Variants in ERBB4 observed in about 807,000 individuals in gnomAD.
The protein encoded by ERBB4 is receptor tyrosine-protein kinase erbB-4.
In ERBB4, 42 loss-of-function variants were observed where a neutral mutation model predicts 158.0. The observed-to-expected ratio is 0.27, with a 90% CI of 0.21 to 0.34. The LOEUF (loss-of-function observed/expected upper bound fraction) is 0.34, where lower values mean the gene tolerates loss of function less well. Ranked by LOEUF, ERBB4 falls within the 10% of genes least tolerant of loss-of-function variation. ERBB4 has a pLI of 1.00. For synonymous variants in ERBB4, 583 were observed against 558.7 expected (o/e 1.04, Z -0.61); for missense variants, 1,333 against 1,624.1 (o/e 0.82, Z 3.08).
chr2:211,675,792 T>TTTTATA (rs1553607852), intron 13 of ERBB4, among the ~76,000 whole-genome samples: 2,680 of 93,562 alleles, frequency 0.029, 97 homozygotes, highest in African/African-American at 0.079. Context: ...AAATATAATA[T>TTTTATA]TATATATATA....
intron 19 of ERBB4, among the ~76,000 whole-genome samples, chr2:211,596,884 C>A (rs976597449): frequency 2.0e-5 from 3 of 152,104 alleles, no homozygotes; most frequent in Non-Finnish European, 4.4e-5. Context: ...CCTGTCTCAG[C>A]CTTCTAAGTA....
chr2:212,431,986 TATA>T (rs1484788770), intron 1 of ERBB4, among the ~76,000 whole-genome samples: 2 of 152,206 alleles, frequency 1.3e-5, no homozygotes, highest in African/African-American at 2.4e-5. Context: ...TTTAAGAAAA[TATA>T]ATCTCTACCA....
intron 1 of ERBB4, among the ~76,000 whole-genome samples, chr2:212,288,828 C>T (rs1287705185): frequency 6.6e-6 from 1 of 152,052 alleles, no homozygotes; most frequent in African/African-American, 2.4e-5. Context: ...GAGTTTCCCA[C>T]CAAGACTACC....
intron 1 of ERBB4, among the ~76,000 whole-genome samples, chr2:212,316,488 T>C (rs774264926): frequency 1.3e-5 from 2 of 151,630 alleles, no homozygotes; most frequent in East Asian, 3.9e-4. Flanking sequence ...CTGGCATTCA[T>C]CAAGCTGCAT....
chr2:211,961,661 C>T (rs979854867), intron 2 of ERBB4, among the ~76,000 whole-genome samples: 1 of 152,108 alleles, frequency 6.6e-6, no homozygotes, highest in Non-Finnish European at 1.5e-5. Context: ...ATCAAAGAGA[C>T]TGAATGTAAG....
intron 27 of ERBB4, 79 bp from the exon 28 acceptor site, chr2:211,384,139 G>A (rs2062634948): frequency 9.5e-7 from 1 of 1,048,036 alleles, no homozygotes; most frequent in Non-Finnish European, 1.5e-6. Context: ...ATAATGGTTA[G>A]CTTCTTTGTC....
At chr2:211,433,037 T>A (rs1003166862) in intron 20 of ERBB4, among the ~76,000 whole-genome samples, 1 of 152,074 alleles carries the variant, frequency 6.6e-6, no homozygotes, top group Non-Finnish European at 1.5e-5. Flanking sequence ...TGTCTCCCAA[T>A]TGGACAGAGT....
chr2:211,530,751 C>T (rs918048581), intron 20 of ERBB4, among the ~76,000 whole-genome samples: 1 of 151,910 alleles, frequency 6.6e-6, no homozygotes, highest in Non-Finnish European at 1.5e-5. Flanking sequence ...TTGGCCAGGC[C>T]TGGTGGTGTG....
In ERBB4 at chr2:211,696,874, T is replaced by C. The variant is rs1348056014; in HGVS notation, c.1489+5093A>G. ...TACTAGAGACGGGGTTTCACCATGT[T>C]GGCCAGGCTGGTCTCAAACTCCTGA... is the stretch of plus-strand genomic sequence containing the variant. On this transcript the variant is annotated intron_variant, in intron 12 of 27. Transcript: ENST00000342788. 2.6e-5 allele frequency among the ~76,000 whole-genome samples: 4 copies of C among 152,204 alleles called. No individual in the cohort carries two copies. The East Asian group carries it at 7.8e-4, about 30-fold the overall frequency.
At chr2:212,373,635 G>C (rs2090159501) in intron 1 of ERBB4, among the ~76,000 whole-genome samples, 1 of 149,900 alleles carries the variant, frequency 6.7e-6, no homozygotes, top group Non-Finnish European at 1.5e-5. Flanking sequence ...AAGGTATCAA[G>C]TTATAGTTCT....
chr2:211,716,831 A>T (rs1411940602), intron 7 of ERBB4, among the ~76,000 whole-genome samples: 2 of 152,218 alleles, frequency 1.3e-5, no homozygotes, highest in African/African-American at 4.8e-5. Context: ...TCATAGACAA[A>T]TACTGAAGTG....
At chr2:211,811,547 T>A (rs1405585047) in intron 3 of ERBB4, among the ~76,000 whole-genome samples, 1 of 152,154 alleles carries the variant, frequency 6.6e-6, no homozygotes, top group Non-Finnish European at 1.5e-5. Flanking sequence ...TTTCCTGAAT[T>A]TGAATGTTGG....
At chr2:211,799,915 C>T (rs946740256) in intron 3 of ERBB4, among the ~76,000 whole-genome samples, 1 of 152,040 alleles carries the variant, frequency 6.6e-6, no homozygotes, top group African/African-American at 2.4e-5. Context: ...ACTACTAGGC[C>T]ACGTTAAAAT....
chr2:212,463,442 T>C (rs1688673634), intron 1 of ERBB4, among the ~76,000 whole-genome samples: 1 of 152,116 alleles, frequency 6.6e-6, no homozygotes, highest in Non-Finnish European at 1.5e-5. Context: ...AAGATATATC[T>C]ATCTACCATC....
In ERBB4 at chr2:211,435,886, C is replaced by A. The variant is rs370564001; in HGVS notation, c.2488-4786G>T. ...AAGTCTACATTTTTAAGCCTATCTT[C>A]TCTCTTAATGGGTCACAGGGTTAGG... is the stretch of plus-strand genomic sequence containing the variant. On this transcript the variant is annotated intron_variant, in intron 20 of 27. Coordinates refer to ENST00000342788, the MANE Select transcript of ERBB4 (RefSeq NM_005235.3). Among the ~76,000 whole-genome samples the A allele has an allele frequency of 2.4e-4, 37 of 152,304 alleles. 1 individual carries two copies. Among genetic ancestry groups the A allele is most frequent in the African/African-American group, 8.9e-4 (37 of 41,582 alleles).
At chr2:211,470,220 A>C (rs1287336897) in intron 20 of ERBB4, among the ~76,000 whole-genome samples, 1 of 152,152 alleles carries the variant, frequency 6.6e-6, no homozygotes, top group African/African-American at 2.4e-5. Context: ...TAGTAGGAAC[A>C]GAATTGATAA....
chr2:212,426,945 T>C (rs917046512), intron 1 of ERBB4, among the ~76,000 whole-genome samples: 1 of 152,264 alleles, frequency 6.6e-6, no homozygotes, highest in South Asian at 2.1e-4. Context: ...GACCAATCTA[T>C]ACTTTTGATG....
At chr2:211,749,031 A>C (rs1179498645) in intron 5 of ERBB4, among the ~76,000 whole-genome samples, 1 of 152,228 alleles carries the variant, frequency 6.6e-6, no homozygotes, top group Admixed American at 6.5e-5. Context: ...ATTCTTGTCA[A>C]TACATTCCTG....
At chr2:212,297,217 C>T (rs750484616) in intron 1 of ERBB4, among the ~76,000 whole-genome samples, 3 of 151,982 alleles carry the variant, frequency 2.0e-5, no homozygotes, top group African/African-American at 7.2e-5. Context: ...GGTAGCAATA[C>T]ATAATCCACT....
Sources: gnomAD v4.1 joint callset for allele counts (sites outside exome capture counted in the v4.1 genomes callset) on GRCh38, gnomAD v4.1.1 for gene constraint, MANE v1.5 for transcripts, NCBI Gene and HGNC (gene_info 2026-07-23, HGNC 2026-07-21) for gene names.